LIPC: variants seen among roughly 807,000 people sequenced by gnomAD.
LIPC encodes lipase C, hepatic type, also known as hepatic triacylglycerol lipase.
LIPC carries 44 observed loss-of-function variants against 50.7 expected under a neutral mutation model. The ratio of observed to expected loss-of-function variants is 0.87; its 90% CI spans 0.68 to 1.11. The LOEUF (loss-of-function observed/expected upper bound fraction) is 1.11, where lower values mean the gene tolerates loss of function less well. Among genes scored for constraint, LIPC ranks in the 50% most tolerant of loss-of-function variants. LIPC has a pLI of 0.00. For missense variants in LIPC, 697 were observed against 648.2 expected (o/e 1.08, Z -0.82); for synonymous variants, 271 against 256.4 (o/e 1.06, Z -0.54).
chr15:58,512,759 C>G (rs1968684), intron 1 of LIPC, among the ~76,000 whole-genome samples: 4,227 of 152,158 alleles, frequency 0.028, 86 homozygotes, highest in Non-Finnish European at 0.042. Context: ...GGCACTGGAA[C>G]GAGGTAGGAG....
intron 1 of LIPC, among the ~76,000 whole-genome samples, chr15:58,510,850 C>G (rs572779441): frequency 6.6e-6 from 1 of 152,354 alleles, no homozygotes; most frequent in Admixed American, 6.5e-5. Flanking sequence ...CTGAAAGGAC[C>G]TCTCAGCAAG....
chr15:58,475,555 C>G (rs1968685), intron 1 of LIPC, among the ~76,000 whole-genome samples: 71,094 of 151,974 alleles, frequency 0.47, 16,644 homozygotes, highest in Admixed American at 0.52. Context: ...ACAAAGGTGA[C>G]TGTCCCCTCT....
chr15:58,541,884 C>G lies in LIPC; in HGVS notation c.373C>G (p.Leu125Val), dbSNP rs747366647. 4 of 1,612,428 alleles carry G rather than the reference C, an allele frequency of 2.5e-6. No homozygotes were observed. The South Asian group carries it at 4.4e-5, about 18-fold the overall frequency. ...VNVGLVDWITLAHDHYTIAVR... is the reference protein window; with the variant it reads ...VNVGLVDWITVAHDHYTIAVR... ...CGTGGGGCTGGTGGACTGGATCACC[C>G]TGGCCCACGACCACTACACCATCGC... Residue 125 changes from leucine (L) to valine (V), a missense_variant, in exon 3 of 9, where the codon CTG becomes GTG. Coordinates refer to ENST00000299022, the MANE Select transcript of LIPC (RefSeq NM_000236.3).
At chr15:58,550,539 T>C (rs1893712809) in intron 6 of LIPC, among the ~76,000 whole-genome samples, 2 of 152,120 alleles carry the variant, frequency 1.3e-5, no homozygotes, top group African/African-American at 2.4e-5. Context: ...GGCATCATTA[T>C]CTCACCCACC....
chr15:58,528,652 G>A (rs116037925), intron 1 of LIPC, among the ~76,000 whole-genome samples: 273 of 152,248 alleles, frequency 1.8e-3, no homozygotes, highest in African/African-American at 6.2e-3. Flanking sequence ...CTACAGGCAC[G>A]CACCACCATA....
rs1222608532 is a variant in LIPC, at chr15:58,544,394, TC to T, written c.575-1347del. On this transcript the variant is annotated intron_variant, in intron 4 of 8. Coordinates refer to ENST00000299022, the MANE Select transcript of LIPC (RefSeq NM_000236.3). Reference sequence around the variant, plus strand: ...ATCAGGACATTTTTCTTTTTCTCTTTCTTTTTTTTTTTTTTTTTTGAGACAG... The same window carrying T: ...ATCAGGACATTTTTCTTTTTCTCTTTTTTTTTTTTTTTTTTTTTGAGACAG... Among the ~76,000 whole-genome samples the T allele has an allele frequency of 2.3e-4, 25 of 109,292 alleles. 7 individuals carry two copies. Among genetic ancestry groups the T allele is most frequent in the Admixed American group, 4.8e-4 (5 of 10,476 alleles). The allele number at this position is 109,292 out of a possible 152,430, so 71.7% of individuals were successfully genotyped here. A position where few individuals can be genotyped will look rare whatever the true frequency, so the allele number is the denominator to read the frequency against.
At chr15:58,442,102 T>C (rs1217021502) in intron 1 of LIPC, among the ~76,000 whole-genome samples, 1 of 152,216 alleles carries the variant, frequency 6.6e-6, no homozygotes, top group East Asian at 1.9e-4. Context: ...TGCACAGCTT[T>C]GGGTGATGCC....
At position 58,557,698 on chromosome 15, in the gene LIPC, T is replaced by C. The variant is rs1894006346; in HGVS notation, c.1052-3166T>C. On this transcript the variant is annotated intron_variant, in intron 6 of 8. Transcript: ENST00000299022. ...CCGCGCCCGGCCTCATTATATGCTT[T>C]TAATTGCATTTAGCACTGGGCTAAA... Among the ~76,000 whole-genome samples the C allele has an allele frequency of 3.3e-5, 5 of 152,250 alleles. No homozygotes were observed. The South Asian group carries it at 1.0e-3, about 32-fold the overall frequency.
At chr15:58,556,884 AGTT>A (rs1477802097) in intron 6 of LIPC, among the ~76,000 whole-genome samples, 1 of 152,220 alleles carries the variant, frequency 6.6e-6, no homozygotes, top group Non-Finnish European at 1.5e-5. Flanking sequence ...CATCTTATAA[AGTT>A]GTTGTAAAGA....
intron 1 of LIPC, among the ~76,000 whole-genome samples, chr15:58,461,688 G>A (rs1894354462): frequency 6.6e-6 from 1 of 151,894 alleles, no homozygotes; most frequent in Non-Finnish European, 1.5e-5. Flanking sequence ...AGAATGCTGG[G>A]ATTACAGGGG....
chr15:58,452,886 G>A (rs1338022582), intron 1 of LIPC, among the ~76,000 whole-genome samples: 1 of 152,212 alleles, frequency 6.6e-6, no homozygotes, highest in Non-Finnish European at 1.5e-5. Context: ...TCTTGCTCTG[G>A]TTCACTGTGG....
intron 1 of LIPC, chr15:58,454,670 A>G (rs1413929582): frequency 2.0e-5 from 3 of 152,256 alleles, no homozygotes; most frequent in African/African-American, 7.2e-5. Context: ...TGCTACACAC[A>G]AGAGGCTTCT....
intron 1 of LIPC, among the ~76,000 whole-genome samples, chr15:58,438,457 A>G (rs1440072950): frequency 2.0e-5 from 3 of 151,950 alleles, no homozygotes; most frequent in African/African-American, 7.2e-5. Flanking sequence ...ATGGGGTCCA[A>G]CCCACCAGGG....
At chr15:58,476,799 G>A (rs959007708) in intron 1 of LIPC, among the ~76,000 whole-genome samples, 38 of 152,366 alleles carry the variant, frequency 2.5e-4, no homozygotes, top group African/African-American at 8.9e-4. Flanking sequence ...CAAGGCTGTG[G>A]TCAGAATGTG....
chr15:58,470,120 T>C (rs1471014051), intron 1 of LIPC, among the ~76,000 whole-genome samples: 2 of 151,978 alleles, frequency 1.3e-5, no homozygotes, highest in African/African-American at 4.8e-5. Flanking sequence ...TTTTTAGAGA[T>C]AAGGTTTCAC....
At chr15:58,460,649 C>T (rs1894313330) in intron 1 of LIPC, among the ~76,000 whole-genome samples, 1 of 152,192 alleles carries the variant, frequency 6.6e-6, no homozygotes, top group Admixed American at 6.5e-5. Flanking sequence ...CAGTAAGGGC[C>T]AGGCTGGGCT....
chr15:58,433,329 C>A (rs1566904592), intron 1 of LIPC, among the ~76,000 whole-genome samples: 1 of 152,196 alleles, frequency 6.6e-6, no homozygotes, highest in East Asian at 1.9e-4. Flanking sequence ...AGAAAAGGGC[C>A]TCTATCATAA....
intron 1 of LIPC, among the ~76,000 whole-genome samples, chr15:58,495,626 T>C (rs538537453): frequency 6.3e-4 from 96 of 152,312 alleles, no homozygotes; most frequent in South Asian, 2.1e-3. Context: ...ATGAGGAAAT[T>C]GAGGCTCAGA....
chr15:58,569,349 C>T lies in LIPC; in HGVS notation c.*522C>T, dbSNP rs1277153002. The T allele has an allele frequency of 1.3e-5, 2 of 152,036 alleles. No homozygotes were observed. The highest frequency in any genetic ancestry group is 2.9e-5 in the Non-Finnish European group (2 of 68,008). 9.4% of individuals were successfully genotyped at this position (152,036 alleles called of 1,614,324 possible). ...TCTAATATTTATACAAATCATATAA[C>T]GATTTCACAGAACCAAACACTTACA... On this transcript the variant is annotated 3_prime_UTR_variant, in exon 9 of 9. Coordinates refer to ENST00000299022, the MANE Select transcript of LIPC (RefSeq NM_000236.3).
Sources: gnomAD v4.1 joint callset for allele counts (sites outside exome capture counted in the v4.1 genomes callset) on GRCh38, gnomAD v4.1.1 for gene constraint, MANE v1.5 for transcripts, NCBI Gene and HGNC (gene_info 2026-07-23, HGNC 2026-07-21) for gene names.